Variants in CRPPA observed in about 807,000 individuals in gnomAD.
The protein encoded by CRPPA is D-ribitol-5-phosphate cytidylyltransferase.
CRPPA carries 43 observed loss-of-function variants against 52.0 expected under a neutral mutation model. The ratio of observed to expected loss-of-function variants is 0.83; its 90% CI spans 0.65 to 1.07. The LOEUF is 1.07. CRPPA is among the 50% of genes least tolerant of loss of function. The pLI, the probability that CRPPA is intolerant of heterozygous loss-of-function variation, is 0.00. For synonymous variants in CRPPA, 250 were observed against 203.5 expected, an observed-to-expected ratio of 1.23 and a Z score of -1.94; for missense variants, 629 against 551.7, an observed-to-expected ratio of 1.14 and a Z score of -1.40.
chr7:16,124,311 T>A (rs1054350169), intron 9 of CRPPA, among the ~76,000 whole-genome samples: 1 of 152,052 alleles, frequency 6.6e-6, no homozygotes, highest in African/African-American at 2.4e-5. Flanking sequence ...CATTTTTCCA[T>A]GTAATTTGTT....
Position 16,239,559 on chromosome 7 carries a change from C to CAAA in CRPPA, c.1119+18828_1119+18830dup, listed in dbSNP as rs751232682. 4.5e-3 allele frequency among the ~76,000 whole-genome samples: 215 copies of CAAA among 47,592 alleles called. 14 individuals are homozygous for CAAA. The highest frequency in any genetic ancestry group is 0.02 in the East Asian group (23 of 1,156). 31.2% of individuals were successfully genotyped at this position (47,592 alleles called of 152,430 possible). On this transcript the variant is annotated intron_variant, in intron 8 of 9. Coordinates refer to ENST00000407010, the MANE Select transcript of CRPPA (RefSeq NM_001101426.4). ...CCATTATTTAAATAGAAGTCAATAG[C>CAAA]AAAAAAAAAAAAAAAAAAAAAAAAA...
At chr7:16,210,922 G>A (rs1269376706) in intron 9 of CRPPA, among the ~76,000 whole-genome samples, 1 of 151,584 alleles carries the variant, frequency 6.6e-6, no homozygotes, top group Non-Finnish European at 1.5e-5. Flanking sequence ...ACATCAGTAG[G>A]GTGACAATAG....
At chr7:16,343,280 A>T (rs1013940951) in intron 3 of CRPPA, among the ~76,000 whole-genome samples, 1 of 152,124 alleles carries the variant, frequency 6.6e-6, no homozygotes, top group Non-Finnish European at 1.5e-5. Flanking sequence ...AAAACACTGA[A>T]TCCTGGTAAT....
At chr7:16,093,225 C>A (rs1323583293) in intron 9 of CRPPA, among the ~76,000 whole-genome samples, 2 of 152,042 alleles carry the variant, frequency 1.3e-5, no homozygotes, top group Non-Finnish European at 2.9e-5. Context: ...CACATGGTAG[C>A]ACTCCATAAA....
In CRPPA at chr7:16,214,604, A is replaced by G. The variant is rs190133838; in HGVS notation, c.1251+1462T>C. ...ACCTCCGCCTCCGCCTCCCAGATTC[A>G]AGTGATTCTCCCACCTCAGCCTCCC... On this transcript the variant is annotated intron_variant, in intron 9 of 9. Coordinates refer to ENST00000407010, the MANE Select transcript of CRPPA (RefSeq NM_001101426.4). Among the ~76,000 whole-genome samples, 36 of 152,166 alleles carry G rather than the reference A, an allele frequency of 2.4e-4. No homozygotes were observed. In the East Asian group the frequency reaches 6.6e-3, roughly 28 times the overall value.
chr7:16,372,613 G>A (rs976658637), intron 3 of CRPPA, among the ~76,000 whole-genome samples: 1 of 151,956 alleles, frequency 6.6e-6, no homozygotes, highest in African/African-American at 2.4e-5. Context: ...ACCTCACAGG[G>A]TCTATAAAAC....
intron 9 of CRPPA, among the ~76,000 whole-genome samples, chr7:16,125,280 A>C (rs1342324599): frequency 6.7e-6 from 1 of 149,226 alleles, no homozygotes; most frequent in African/African-American, 2.5e-5. Flanking sequence ...AAAAAAAAAA[A>C]ACCAACAACA....
intron 9 of CRPPA, among the ~76,000 whole-genome samples, chr7:16,196,660 ACACT>A (rs2128392204): frequency 6.6e-6 from 1 of 152,278 alleles, no homozygotes; most frequent in Admixed American, 6.5e-5. Flanking sequence ...CTAGAGAAAG[ACACT>A]CAGGTTTGAA....
intron 3 of CRPPA, among the ~76,000 whole-genome samples, chr7:16,328,866 G>A (rs1785480124): frequency 6.6e-6 from 1 of 152,050 alleles, no homozygotes; most frequent in African/African-American, 2.4e-5. Context: ...GAGAATATAT[G>A]GCAATTTGGG....
chr7:16,328,618 G>A (rs566847599), intron 3 of CRPPA, among the ~76,000 whole-genome samples: 5 of 152,146 alleles, frequency 3.3e-5, no homozygotes, highest in African/African-American at 1.2e-4. Flanking sequence ...AGGTTCAAGC[G>A]ATTCTCCTGC....
rs1304531788 is a variant in CRPPA, at chr7:16,372,939, G to A, written c.684+3153C>T. On this transcript the variant is annotated intron_variant, in intron 3 of 9. Coordinates refer to ENST00000407010, the MANE Select transcript of CRPPA (RefSeq NM_001101426.4). ...TACATGATAGATGCTGCTACTTTAAGATTATAAGATTATCAGGTAAGACTT... is the reference window on the plus strand; with the variant it reads ...TACATGATAGATGCTGCTACTTTAAAATTATAAGATTATCAGGTAAGACTT... Among the ~76,000 whole-genome samples, 10 of 152,306 alleles carry A rather than the reference G, an allele frequency of 6.6e-5. No individual in the cohort carries two copies. In the South Asian group the frequency reaches 2.1e-3, roughly 32 times the overall value.
intron 2 of CRPPA, among the ~76,000 whole-genome samples, chr7:16,403,341 GC>G (rs1787873745): frequency 6.6e-6 from 1 of 152,134 alleles, no homozygotes; most frequent in African/African-American, 2.4e-5. Flanking sequence ...CTTAATGCCA[GC>G]CTTAATCGTG....
intron 9 of CRPPA, among the ~76,000 whole-genome samples, chr7:16,161,517 T>C (rs1783304769): frequency 1.3e-5 from 2 of 152,222 alleles, no homozygotes; most frequent in Non-Finnish European, 2.9e-5. Flanking sequence ...ATCAGCTTTG[T>C]ATCCCAGGGA....
chr7:16,260,183 T>C (rs1194254769), intron 6 of CRPPA, among the ~76,000 whole-genome samples: 2 of 152,050 alleles, frequency 1.3e-5, no homozygotes, highest in Admixed American at 6.6e-5. Flanking sequence ...TATTCAAACA[T>C]TTTCAAAGGC....
At chr7:16,093,004 GT>G (rs1476472245) in intron 9 of CRPPA, among the ~76,000 whole-genome samples, 27 of 152,142 alleles carry the variant, frequency 1.8e-4, no homozygotes, top group African/African-American at 6.0e-4. Context: ...TTCAACCTAG[GT>G]ATCAGAGATT....
chr7:16,249,314 A>C (rs1403677128), intron 8 of CRPPA, among the ~76,000 whole-genome samples: 2 of 152,238 alleles, frequency 1.3e-5, no homozygotes, highest in African/African-American at 4.8e-5. Flanking sequence ...CAGCAAACTT[A>C]AACGTCCCCG....
intron 2 of CRPPA, among the ~76,000 whole-genome samples, chr7:16,384,236 C>G (rs568053687): frequency 6.6e-6 from 1 of 152,244 alleles, no homozygotes; most frequent in African/African-American, 2.4e-5. Flanking sequence ...GAGTAGAGAG[C>G]TATGAAGCTC....
chr7:16,368,467 A>C lies in CRPPA; in HGVS notation c.684+7625T>G, dbSNP rs953589574. Among the ~76,000 whole-genome samples the C allele has an allele frequency of 2.6e-5, 4 of 152,224 alleles. 1 individual carries two copies. Among genetic ancestry groups the C allele is most frequent in the African/African-American group, 9.6e-5 (4 of 41,456 alleles). ...AAACACATACGAATTTATGTATCTT[A>C]AGTAAAATACAATAGATTTTGACTT... is the stretch of plus-strand genomic sequence containing the variant. On this transcript the variant is annotated intron_variant, in intron 3 of 9. Coordinates refer to ENST00000407010, the MANE Select transcript of CRPPA (RefSeq NM_001101426.4).
chr7:16,381,536 T>A (rs1221913683), intron 2 of CRPPA, among the ~76,000 whole-genome samples: 5 of 152,110 alleles, frequency 3.3e-5, no homozygotes, highest in African/African-American at 9.7e-5. Flanking sequence ...GTTCAATTCC[T>A]GGGTATCCTT....
Sources: allele counts gnomAD v4.1 joint callset (sites outside exome capture counted in the v4.1 genomes callset), GRCh38; gene constraint gnomAD v4.1.1; transcripts MANE v1.5; gene names NCBI Gene and HGNC (gene_info 2026-07-23, HGNC 2026-07-21).